The following CXCL13 variants were observed in gnomAD, a reference collection of about 807,000 sequenced individuals.
CXCL13 encodes C-X-C motif chemokine ligand 13.
In CXCL13, 7 loss-of-function variants were observed where a neutral mutation model predicts 12.2. The observed-to-expected ratio is 0.57, with a 90% CI of 0.33 to 1.07. CXCL13 has a LOEUF of 1.07. CXCL13 is among the 50% of genes least tolerant of loss of function. The pLI is 0.04. For synonymous variants in CXCL13, 47 were observed against 42.4 expected (o/e 1.11, Z -0.42); for missense variants, 113 against 127.4 (o/e 0.89, Z 0.55).
chr4:77,574,391 C>T (rs988055699), intron 1 of CXCL13, among the ~76,000 whole-genome samples: 3 of 151,994 alleles, frequency 2.0e-5, no homozygotes, highest in African/African-American at 4.8e-5. Context: ...TCAAAATCTA[C>T]GGCCGTCCTA....
chr4:77,604,893 C>T (rs1726968197), upstream of CXCL13, among the ~76,000 whole-genome samples: 1 of 152,152 alleles, frequency 6.6e-6, no homozygotes, highest in Non-Finnish European at 1.5e-5. Context: ...TGTCCACTTC[C>T]AGGGCAGTTT....
At chr4:77,555,382 T>C (rs567185063) in intron 1 of CXCL13, among the ~76,000 whole-genome samples, 97 of 152,170 alleles carry the variant, frequency 6.4e-4, no homozygotes, top group African/African-American at 2.2e-3. Context: ...TAGCACTGTA[T>C]TTATTAAAGA....
At chr4:77,538,380 G>A (rs148799050) in intron 1 of CXCL13, among the ~76,000 whole-genome samples, 69 of 151,090 alleles carry the variant, frequency 4.6e-4, no homozygotes, top group Middle Eastern at 3.4e-3. Context: ...TTTATCTTGA[G>A]GGTGTAACAA....
At position 77,583,468 on chromosome 4, in the gene CXCL13, A is replaced by C. The variant is rs566599001; in HGVS notation, c.-42-22356A>C. ...TCCAATAGAGAAGGAAAGAAAGGAG[A>C]GTAAGGGTTGGAGAACAATTTTCCT... On this transcript the variant is annotated intron_variant, in intron 1 of 4. Transcript: ENST00000286758. Among the ~76,000 whole-genome samples, 94 of 152,328 alleles carry C rather than the reference A, an allele frequency of 6.2e-4. 1 individual carries two copies. Among genetic ancestry groups the C allele is most frequent in the African/African-American group, 2.1e-3 (88 of 41,574 alleles).
intron 1 of CXCL13, among the ~76,000 whole-genome samples, chr4:77,571,765 G>A (rs1388911390): frequency 6.6e-6 from 1 of 151,784 alleles, no homozygotes; most frequent in African/African-American, 2.4e-5. Flanking sequence ...CCACACTGTG[G>A]AAGCTTTGTT....
At chr4:77,588,177 C>T (rs1726525409) in intron 1 of CXCL13, among the ~76,000 whole-genome samples, 1 of 152,198 alleles carries the variant, frequency 6.6e-6, no homozygotes, top group South Asian at 2.1e-4. Context: ...ATGACACCTA[C>T]CTGAATTTTC....
intron 1 of CXCL13, among the ~76,000 whole-genome samples, chr4:77,521,638 C>T (rs977526607): frequency 7.3e-5 from 11 of 151,460 alleles, no homozygotes; most frequent in African/African-American, 2.7e-4. Context: ...AGTGGTTTCT[C>T]AATTTTGTTG....
Position 77,513,966 on chromosome 4 carries a change from C to T in CXCL13, c.-43+2178C>T, listed in dbSNP as rs192719451. On this transcript the variant is annotated intron_variant, in intron 1 of 4. Coordinates refer to the CXCL13 transcript ENST00000286758. ...GCTATCGCTCCCCACTACCCCCACC[C>T]CACAACAGTCCCCAGAGTGTGATGT... Among the ~76,000 whole-genome samples the T allele has an allele frequency of 1.4e-4, 21 of 152,250 alleles. No homozygotes were observed. The East Asian group carries it at 3.9e-3, about 28-fold the overall frequency.
chr4:77,555,565 GT>G (rs1224351748), intron 1 of CXCL13, among the ~76,000 whole-genome samples: 2 of 151,966 alleles, frequency 1.3e-5, no homozygotes, highest in Non-Finnish European at 2.9e-5. Flanking sequence ...ATTATAAAAT[GT>G]TTACAACAAA....
At chr4:77,513,138 C>A (rs1402152179) in intron 1 of CXCL13, among the ~76,000 whole-genome samples, 6 of 152,046 alleles carry the variant, frequency 3.9e-5, no homozygotes, top group Non-Finnish European at 7.4e-5. Context: ...TCCATATACA[C>A]CATGGTATTC....
intron 1 of CXCL13, among the ~76,000 whole-genome samples, chr4:77,578,275 C>G (rs1726238915): frequency 6.6e-6 from 1 of 152,168 alleles, no homozygotes; most frequent in Non-Finnish European, 1.5e-5. Context: ...AACAGTCATG[C>G]AACTGGAGCC....
intron 1 of CXCL13, among the ~76,000 whole-genome samples, chr4:77,528,971 G>A (rs1438253703): frequency 1.3e-5 from 2 of 152,146 alleles, no homozygotes; most frequent in Non-Finnish European, 2.9e-5. Flanking sequence ...TGTAAGGAAG[G>A]GATCCAGTTT....
At chr4:77,553,436 G>T (rs1409211649) in intron 1 of CXCL13, among the ~76,000 whole-genome samples, 12 of 152,350 alleles carry the variant, frequency 7.9e-5, no homozygotes, top group African/African-American at 2.6e-4. Context: ...CTGGAAAAAT[G>T]CTTACAGCTT....
chr4:77,608,479 G>C (rs916434315), intron 2 of CXCL13, among the ~76,000 whole-genome samples: 1 of 151,870 alleles, frequency 6.6e-6, no homozygotes, highest in Admixed American at 6.6e-5. Flanking sequence ...GCATTAGCCA[G>C]GACTCCATTC....
chr4:77,559,723 C>A (rs974253083), intron 1 of CXCL13, among the ~76,000 whole-genome samples: 1 of 151,962 alleles, frequency 6.6e-6, no homozygotes, highest in Non-Finnish European at 1.5e-5. Context: ...GAGATCGAGA[C>A]CACCCTGGCT....
intron 2 of CXCL13, 134 bp downstream of exon 2, chr4:77,607,969 A>C: frequency 2.2e-6 from 2 of 897,466 alleles, no homozygotes; most frequent in Non-Finnish European, 3.3e-6. Context: ...CAAACTAATA[A>C]TGAAAATTGT....
chr4:77,608,890 T>C (rs577405783), intron 2 of CXCL13, among the ~76,000 whole-genome samples: 281 of 152,344 alleles, frequency 1.8e-3, no homozygotes, highest in African/African-American at 6.3e-3. Context: ...TCCTCTGTCA[T>C]GACTGGTCTC....
intron 1 of CXCL13, among the ~76,000 whole-genome samples, chr4:77,590,822 A>C (rs1297588791): frequency 6.6e-6 from 1 of 152,200 alleles, no homozygotes; most frequent in Non-Finnish European, 1.5e-5. Flanking sequence ...GGGCATGTTA[A>C]ATGCTATTTT....
chr4:77,554,248 T>C (rs957120382), intron 1 of CXCL13, among the ~76,000 whole-genome samples: 10 of 152,002 alleles, frequency 6.6e-5, no homozygotes, highest in Non-Finnish European at 1.5e-4. Context: ...AATAATATGT[T>C]CAAATTTTTA....
Sources: gnomAD v4.1 joint callset for allele counts (sites outside exome capture counted in the v4.1 genomes callset) on GRCh38, gnomAD v4.1.1 for gene constraint, MANE v1.5 for transcripts, NCBI Gene and HGNC (gene_info 2026-07-23, HGNC 2026-07-21) for gene names.